The following SNX3 variants were observed in gnomAD, a reference collection of about 807,000 sequenced individuals.
The protein encoded by SNX3 is sorting nexin-3.
SNX3 carries 5 observed loss-of-function variants against 17.7 expected under a neutral mutation model. The ratio of observed to expected loss-of-function variants is 0.28; its 90% CI spans 0.15 to 0.59. SNX3 has a LOEUF of 0.59. Among genes scored for constraint, SNX3 ranks in the 20% least tolerant of loss-of-function variants. The pLI is 0.88. For synonymous variants in SNX3, 91 were observed against 76.5 expected (o/e 1.19, Z -0.99); for missense variants, 132 against 206.8 (o/e 0.64, Z 2.22).
intron 1 of SNX3, among the ~76,000 whole-genome samples, chr6:108,242,184 A>G (rs1481395055): frequency 3.3e-5 from 5 of 152,206 alleles, no homozygotes; most frequent in African/African-American, 1.2e-4. Flanking sequence ...TGAACAGAGC[A>G]TCAGGGACCT....
chr6:108,243,354 A>C (rs1207072042), intron 1 of SNX3, among the ~76,000 whole-genome samples: 1 of 152,218 alleles, frequency 6.6e-6, no homozygotes, highest in Non-Finnish European at 1.5e-5. Flanking sequence ...ATCCTTCAAA[A>C]ATAAAAATAT....
At chr6:108,225,154 C>T (rs916048575) in intron 1 of SNX3, among the ~76,000 whole-genome samples, 8 of 152,084 alleles carry the variant, frequency 5.3e-5, no homozygotes, top group South Asian at 4.1e-4. Context: ...TAGTGGCAGG[C>T]GCCTGCAGTT....
chr6:108,238,115 A>C lies in SNX3; in HGVS notation c.163-15070T>G, dbSNP rs1309009632. Among the ~76,000 whole-genome samples, 9 of 151,452 alleles carry C rather than the reference A, an allele frequency of 5.9e-5. No homozygotes were observed. The East Asian group carries it at 7.7e-4, about 13-fold the overall frequency. On this transcript the variant is annotated intron_variant, in intron 1 of 3. Coordinates refer to ENST00000230085, the MANE Select transcript of SNX3 (RefSeq NM_003795.6). The stretch of plus-strand genomic sequence containing the variant: ...AGATCCTGTCTCAAAAAAAAAAAAA[A>C]AAAAACAAACAAAAAAAGAATCAAC...
chr6:108,246,833 A>G (rs192337064), intron 1 of SNX3, among the ~76,000 whole-genome samples: 7 of 152,194 alleles, frequency 4.6e-5, no homozygotes, highest in African/African-American at 7.2e-5. Flanking sequence ...TCTGCCTCCC[A>G]AGTAGCTAAG....
chr6:108,229,728 G>A (rs1296629764), intron 1 of SNX3, among the ~76,000 whole-genome samples: 1 of 152,162 alleles, frequency 6.6e-6, no homozygotes, highest in African/African-American at 2.4e-5. Flanking sequence ...GGTGAAAATA[G>A]TGTGAGCTAA....
intron 1 of SNX3, among the ~76,000 whole-genome samples, chr6:108,256,697 G>C (rs754368582): frequency 6.6e-6 from 1 of 152,188 alleles, no homozygotes; most frequent in Non-Finnish European, 1.5e-5. Context: ...AGGTAAAATA[G>C]ATCTTGATTA....
intron 1 of SNX3, among the ~76,000 whole-genome samples, chr6:108,225,001 G>A (rs568434235): frequency 1.3e-5 from 2 of 152,226 alleles, no homozygotes; most frequent in South Asian, 4.1e-4. Flanking sequence ...AAAAATATGC[G>A]GCAGGGCGCG....
chr6:108,226,338 T>C (rs1024610349), intron 1 of SNX3, among the ~76,000 whole-genome samples: 2 of 152,174 alleles, frequency 1.3e-5, no homozygotes, highest in African/African-American at 4.8e-5. Context: ...ACTCCCAAAG[T>C]GCTGGGATTA....
chr6:108,248,324 T>C lies in SNX3; in HGVS notation c.162+12436A>G, dbSNP rs901921524. 1.4e-4 allele frequency among the ~76,000 whole-genome samples: 22 copies of C among 152,338 alleles called. 1 individual carries two copies. Among genetic ancestry groups the C allele is most frequent in the Admixed American group, 3.9e-4 (6 of 15,296 alleles). ...AACAAGCATCTAGCAATGTCTGGAA[T>C]ATAACAGACAGTTCATAAATGTTCA... On this transcript the variant is annotated intron_variant, in intron 1 of 3. Transcript: ENST00000230085.
At chr6:108,231,644 T>C (rs78450072) in intron 1 of SNX3, among the ~76,000 whole-genome samples, 10,706 of 152,274 alleles carry the variant, frequency 0.07, 496 homozygotes, top group Middle Eastern at 0.18. Context: ...ATTCCTCCAA[T>C]AGTTATCTTT....
intron 1 of SNX3, among the ~76,000 whole-genome samples, chr6:108,225,665 A>T (rs764522491): frequency 2.6e-5 from 4 of 151,960 alleles, no homozygotes; most frequent in Non-Finnish European, 2.9e-5. Flanking sequence ...ATGCTACCAA[A>T]TCCAATAAAA....
At chr6:108,240,975 T>C (rs745517907) in intron 1 of SNX3, among the ~76,000 whole-genome samples, 1 of 151,498 alleles carries the variant, frequency 6.6e-6, no homozygotes, top group Non-Finnish European at 1.5e-5. Context: ...ACCCTGTCTC[T>C]ACTAAAAATA....
chr6:108,236,375 A>AT lies in SNX3; in HGVS notation c.163-13331dup, dbSNP rs1271213219. On this transcript the variant is annotated intron_variant, in intron 1 of 3. Coordinates refer to ENST00000230085, the MANE Select transcript of SNX3 (RefSeq NM_003795.6). ...AACAGTTTCCACCTATATTATTATTATTATTTTTTTTTTTTTTTTTTTTTT... is the reference window on the plus strand; with the variant it reads ...AACAGTTTCCACCTATATTATTATTATTTATTTTTTTTTTTTTTTTTTTTTT... Among the ~76,000 whole-genome samples the AT allele has an allele frequency of 5.5e-3, 669 of 121,932 alleles. 4 individuals carry two copies. The highest frequency in any genetic ancestry group is 8.0e-3 in the Non-Finnish European group (502 of 62,846). 80.0% of individuals were successfully genotyped at this position (121,932 alleles called of 152,430 possible).
intron 1 of SNX3, among the ~76,000 whole-genome samples, chr6:108,236,382 T>TATTATTA (rs1480883371): frequency 9.4e-5 from 13 of 137,686 alleles, no homozygotes; most frequent in African/African-American, 3.1e-4. Flanking sequence ...ATTATTATTT[T>TATTATTA]TTTTTTTTTT....
At chr6:108,244,969 T>C (rs1775638868) in intron 1 of SNX3, among the ~76,000 whole-genome samples, 1 of 152,162 alleles carries the variant, frequency 6.6e-6, no homozygotes, top group Non-Finnish European at 1.5e-5. Flanking sequence ...TTTTTAGTTC[T>C]GGGATACACG....
intron 2 of SNX3, among the ~76,000 whole-genome samples, chr6:108,217,219 T>C (rs928091380): frequency 2.3e-4 from 34 of 150,982 alleles, no homozygotes; most frequent in African/African-American, 6.1e-4. Context: ...TGTAACAATA[T>C]ATATATAATT....
intron 1 of SNX3, among the ~76,000 whole-genome samples, chr6:108,234,883 G>A (rs978482284): frequency 6.6e-6 from 1 of 152,116 alleles, no homozygotes; most frequent in Non-Finnish European, 1.5e-5. Context: ...AAAATGCAAT[G>A]GATGAAAACT....
chr6:108,223,433 C>G (rs1386041740), intron 1 of SNX3, among the ~76,000 whole-genome samples: 1 of 151,034 alleles, frequency 6.6e-6, no homozygotes, highest in South Asian at 2.1e-4. Flanking sequence ...CCACGGCACC[C>G]GGCCGAAATC....
intron 1 of SNX3, among the ~76,000 whole-genome samples, chr6:108,241,317 G>C (rs1467630296): frequency 1.3e-5 from 2 of 152,072 alleles, no homozygotes; most frequent in Non-Finnish European, 2.9e-5. Flanking sequence ...GGGCGAACTT[G>C]TAAACTGCCT....
Sources: allele counts gnomAD v4.1 joint callset (sites outside exome capture counted in the v4.1 genomes callset), GRCh38; gene constraint gnomAD v4.1.1; transcripts MANE v1.5; gene names NCBI Gene and HGNC (gene_info 2026-07-23, HGNC 2026-07-21).